CRTAC1: variants seen among roughly 807,000 people sequenced by gnomAD.
The protein encoded by CRTAC1 is acidic secreted protein in cartilage.
Under a neutral mutation model 67.8 loss-of-function variants are expected in CRTAC1, and 37 were observed. That is an observed-to-expected ratio of 0.55 (90% CI 0.42 to 0.72). The LOEUF is 0.72. Ranked by LOEUF, CRTAC1 falls within the 30% of genes least tolerant of loss-of-function variation. CRTAC1 has a pLI of 0.00. For synonymous variants in CRTAC1, 348 were observed against 371.0 expected (o/e 0.94, Z 0.71); for missense variants, 780 against 931.6 (o/e 0.84, Z 2.12).
At chr10:97,978,571 T>C (rs1038475353) in intron 2 of CRTAC1, among the ~76,000 whole-genome samples, 23 of 152,224 alleles carry the variant, frequency 1.5e-4, no homozygotes, top group African/African-American at 5.5e-4. Context: ...TAGGAATTTC[T>C]GCACAAGCTG....
chr10:97,987,396 T>C (rs1398007458), intron 2 of CRTAC1, among the ~76,000 whole-genome samples: 1 of 152,240 alleles, frequency 6.6e-6, no homozygotes, highest in East Asian at 1.9e-4. Context: ...GAGATTTTCT[T>C]GGAAATCTAG....
At chr10:97,890,098 C>CACACACAT (rs2050346235) in intron 11 of CRTAC1, among the ~76,000 whole-genome samples, 1 of 151,144 alleles carries the variant, frequency 6.6e-6, no homozygotes, top group Non-Finnish European at 1.5e-5. Flanking sequence ...TGTACACACA[C>CACACACAT]ACACACACAC....
intron 6 of CRTAC1, among the ~76,000 whole-genome samples, chr10:97,905,184 A>ACTCTTTTGCTTAAGCTGATCATGCCC (rs1209925720): frequency 1.3e-5 from 2 of 151,772 alleles, no homozygotes; most frequent in African/African-American, 4.8e-5. Flanking sequence ...TGATCATGCC[A>ACTCTTTTGCTTAAGCTGATCATGCCC]CTCTTTTGCT....
chr10:97,920,775 C>T (rs770028141), intron 4 of CRTAC1, among the ~76,000 whole-genome samples: 4 of 152,246 alleles, frequency 2.6e-5, no homozygotes, highest in African/African-American at 4.8e-5. Context: ...CCCCTGCTTC[C>T]TTGCAGGGTT....
intron 1 of CRTAC1, among the ~76,000 whole-genome samples, chr10:98,015,688 G>A (rs151032521): frequency 6.6e-6 from 1 of 152,276 alleles, no homozygotes; most frequent in East Asian, 1.9e-4. Context: ...TGCAAAATTT[G>A]ATGAGCAGTG....
chr10:97,925,901 G>C (rs535388830), intron 3 of CRTAC1, among the ~76,000 whole-genome samples: 5 of 152,140 alleles, frequency 3.3e-5, no homozygotes, highest in Non-Finnish European at 7.4e-5. Flanking sequence ...CCACCCAGGA[G>C]AGGACAAAAG....
intron 3 of CRTAC1, among the ~76,000 whole-genome samples, chr10:97,924,732 C>T (rs1021791089): frequency 1.2e-4 from 19 of 152,152 alleles, no homozygotes; most frequent in African/African-American, 2.9e-4. Context: ...AGCTATTTTT[C>T]GACAGGAATG....
intron 14 of CRTAC1, chr10:97,879,792 G>T: frequency 7.5e-7 from 1 of 1,338,148 alleles, no homozygotes; most frequent in Non-Finnish European, 9.8e-7. Flanking sequence ...ACCTAAAAAG[G>T]CCACTTGAGC....
chr10:97,884,753 A>C (rs2050258362), intron 11 of CRTAC1, among the ~76,000 whole-genome samples: 3 of 152,222 alleles, frequency 2.0e-5, no homozygotes, highest in Non-Finnish European at 2.9e-5. Flanking sequence ...ACGTTCTAGC[A>C]GACAGGCCAA....
Position 97,895,506 on chromosome 10 carries a change from G to T in CRTAC1, c.1318-93C>A. On this transcript the variant is annotated intron_variant, in intron 10 of 14. Transcript: ENST00000370597. The surrounding 1 kb of genome is among the most constrained non-coding windows in gnomAD (Gnocchi z 4.2). The stretch of plus-strand genomic sequence containing the variant: ...AGGGAGGACGGGAGGGGGAGAGGGA[G>T]AAGAAGGAGGAAGAGAAGAAAGCAG... The T allele has an allele frequency of 9.1e-7, 1 of 1,100,948 alleles. No homozygotes were observed. The highest frequency in any genetic ancestry group is 1.3e-6 in the Non-Finnish European group (1 of 772,192). 68.2% of individuals were successfully genotyped at this position (1,100,948 alleles called of 1,614,324 possible).
At chr10:97,934,317 G>A (rs759888279) in intron 3 of CRTAC1, among the ~76,000 whole-genome samples, 3 of 152,182 alleles carry the variant, frequency 2.0e-5, no homozygotes, top group Non-Finnish European at 4.4e-5. Context: ...AAATCCAGCT[G>A]CATAATCATG....
intron 11 of CRTAC1, among the ~76,000 whole-genome samples, chr10:97,888,597 T>C (rs1444459069): frequency 1.3e-5 from 2 of 152,098 alleles, no homozygotes; most frequent in African/African-American, 2.4e-5. Context: ...GACTTGCAGG[T>C]GTCTGAGCTA....
At position 97,965,440 on chromosome 10, in the gene CRTAC1, C is replaced by G. The variant is rs867223127; in HGVS notation, c.225-29074G>C. Among the ~76,000 whole-genome samples the G allele has an allele frequency of 9.8e-4, 150 of 152,308 alleles. 1 individual carries two copies. The highest frequency in any genetic ancestry group is 3.5e-3 in the African/African-American group (144 of 41,580). On this transcript the variant is annotated intron_variant, in intron 2 of 14. Coordinates refer to ENST00000370597, the MANE Select transcript of CRTAC1 (RefSeq NM_018058.7). ...TTGAACCCCCTTTTTCATTTCCACC[C>G]ATGAAATCTCCCCTTTCTTTTGTAG...
chr10:97,992,885 T>C (rs1310161290), intron 2 of CRTAC1, among the ~76,000 whole-genome samples: 2 of 152,224 alleles, frequency 1.3e-5, no homozygotes, highest in Non-Finnish European at 2.9e-5. Flanking sequence ...GTGACTATAG[T>C]TAATAACAAT....
At chr10:97,996,588 G>A (rs1842575018) in intron 2 of CRTAC1, among the ~76,000 whole-genome samples, 1 of 152,160 alleles carries the variant, frequency 6.6e-6, no homozygotes, top group Non-Finnish European at 1.5e-5. Context: ...GAAACAACGG[G>A]TGCTGGAGAA....
intron 2 of CRTAC1, among the ~76,000 whole-genome samples, chr10:97,967,156 A>C (rs749060615): frequency 8.5e-5 from 13 of 152,090 alleles, no homozygotes; most frequent in Non-Finnish European, 1.9e-4. Flanking sequence ...TCATTTATTT[A>C]TTTATACAAT....
intron 5 of CRTAC1, among the ~76,000 whole-genome samples, chr10:97,911,304 G>T (rs1274124706): frequency 6.6e-6 from 1 of 152,192 alleles, no homozygotes; most frequent in African/African-American, 2.4e-5. Context: ...TACAAAGCAG[G>T]TTATTTCCCT....
Position 97,896,920 on chromosome 10 carries a change from C to G in CRTAC1, c.1205G>C (p.Gly402Ala), listed in dbSNP as rs776927495. ...CAGGTGCCCCTCACCTGTGCCCCGGCCCTCAGGCTCCAAGGCGTCGCCGGG... is the reference window on the plus strand; with the variant it reads ...CAGGTGCCCCTCACCTGTGCCCCGGGCCTCAGGCTCCAAGGCGTCGCCGGG... ...LNPGDALEPE[G>A]RGTGGVVTDF... Residue 402 changes from glycine to alanine, a missense_variant, in exon 9 of 15, where the codon GGC becomes GCC. Physicochemically the swap from Gly to Ala is moderately conservative, Grantham distance 60. Coordinates refer to ENST00000370597, the MANE Select transcript of CRTAC1 (RefSeq NM_018058.7). The G allele has an allele frequency of 6.4e-7, 1 of 1,557,382 alleles. No homozygotes were observed. Among genetic ancestry groups the G allele is most frequent in the South Asian group, 1.2e-5 (1 of 84,412 alleles).
chr10:97,928,104 G>T (rs1256399545), intron 3 of CRTAC1, among the ~76,000 whole-genome samples: 1 of 152,234 alleles, frequency 6.6e-6, no homozygotes, highest in African/African-American at 2.4e-5. Flanking sequence ...TTGGGGCAGG[G>T]CAGGGGGCCA....
Sources: gnomAD v4.1 joint callset for allele counts (sites outside exome capture counted in the v4.1 genomes callset) on GRCh38, gnomAD v4.1.1 for gene constraint, Gnocchi (gnomAD v3.1) non-coding constraint, MANE v1.5 for transcripts, NCBI Gene and HGNC (gene_info 2026-07-23, HGNC 2026-07-21) for gene names.